The following CNR2 variants were observed in gnomAD, a reference collection of about 807,000 sequenced individuals.
CNR2 encodes the protein cannabinoid receptor 2 (macrophage).
For synonymous variants in CNR2, 172 were observed against 182.2 expected (o/e 0.94, Z 0.45); for missense variants, 379 against 439.9 (o/e 0.86, Z 1.24).
At position 23,874,854 on chromosome 1, in the gene CNR2, A is replaced by G; in HGVS notation, c.764T>C (p.Leu255Pro). 6.2e-7 allele frequency: 1 copy of G among 1,614,074 alleles called. No homozygotes were observed. The highest frequency in any genetic ancestry group is 8.5e-7 in the Non-Finnish European group (1 of 1,179,940). Residue 255 changes from leucine (L) to proline (P), a missense_variant, in exon 2 of 2, where the codon CTC becomes CCC. Transcript: ENST00000374472. ...GGCCAGCACTGGGAACCAACAGATG[A>G]GGAGCACAGCCAACACTAGCCCTAG... ...KTLGLVLAVL[L>P]ICWFPVLALM...
At chr1:23,912,275 G>A (rs1640599674) in intron 1 of CNR2, among the ~76,000 whole-genome samples, 2 of 152,160 alleles carry the variant, frequency 1.3e-5, no homozygotes, top group Non-Finnish European at 2.9e-5. Context: ...TCCGCTGAGT[G>A]GAACTTACAC....
rs1639778405 is a variant in CNR2, at chr1:23,872,328, T to G, written c.*2207A>C. 1 of 151,860 alleles carries G rather than the reference T, an allele frequency of 6.6e-6. No individual in the cohort carries two copies. Among genetic ancestry groups the G allele is most frequent in the Non-Finnish European group, 1.5e-5 (1 of 67,984 alleles). 9.4% of individuals were successfully genotyped at this position (151,860 alleles called of 1,614,324 possible). On this transcript the variant is annotated 3_prime_UTR_variant, in exon 2 of 2. Coordinates refer to ENST00000374472, the MANE Select transcript of CNR2 (RefSeq NM_001841.3). ...GCCCTACCACATCTTGATTTTGACT[T>G]CTGGCCTCCAGAATTATGAGACAGT...
intron 1 of CNR2, among the ~76,000 whole-genome samples, chr1:23,897,163 C>CCACGCCCGCCCTGAAGTAACATAT (rs1557531184): frequency 1.3e-5 from 2 of 152,124 alleles, no homozygotes; most frequent in East Asian, 1.9e-4. Context: ...GTGTGAGCCA[C>CCACGCCCGCCCTGAAGTAACATAT]TGCACCCTGC....
chr1:23,874,539 C>A lies in CNR2; in HGVS notation c.1079G>T (p.Cys360Phe), dbSNP rs1000489968. Residue 360 changes from cysteine (C) to phenylalanine (F), a missense_variant, in exon 2 of 2, where the codon TGC becomes TTC. Transcript: ENST00000374472. Reference protein sequence around the residue: ...PDSRDLDLSDC With the variant: ...PDSRDLDLSDF Reference sequence around the variant, plus strand: ...TTAAATTGGGAAGAGGCCTCATCAGCAATCAGAGAGGTCTAGATCTCTGGA... The same window carrying A: ...TTAAATTGGGAAGAGGCCTCATCAGAAATCAGAGAGGTCTAGATCTCTGGA... 1 of 1,610,346 alleles carries A rather than the reference C, an allele frequency of 6.2e-7. No homozygotes were observed. Among genetic ancestry groups the A allele is most frequent in the Admixed American group, 1.7e-5 (1 of 59,394 alleles).
At chr1:23,890,792 GCCCA>G (rs1640177497) in intron 1 of CNR2, among the ~76,000 whole-genome samples, 1 of 150,020 alleles carries the variant, frequency 6.7e-6, no homozygotes, top group African/African-American at 2.4e-5. Context: ...TTGACCTGCT[GCCCA>G]GCTGGCTGGG....
At chr1:23,889,687 C>A (rs538046689) in intron 1 of CNR2, among the ~76,000 whole-genome samples, 1 of 152,164 alleles carries the variant, frequency 6.6e-6, no homozygotes, top group Admixed American at 6.5e-5. Flanking sequence ...CCCAAGGTCT[C>A]CTCGAGGAAA....
At chr1:23,898,799 T>C (rs144607376) in intron 1 of CNR2, among the ~76,000 whole-genome samples, 6,468 of 150,946 alleles carry the variant, frequency 0.043, 447 homozygotes, top group African/African-American at 0.15. Context: ...ATTACAGATG[T>C]GCACCACCAT....
At chr1:23,882,322 A>G (rs947867704) in intron 1 of CNR2, among the ~76,000 whole-genome samples, 5 of 152,168 alleles carry the variant, frequency 3.3e-5, no homozygotes, top group African/African-American at 7.2e-5. Context: ...CCTCAAACCT[A>G]TGATGACATT....
At chr1:23,891,209 T>C (rs1467657124) in intron 1 of CNR2, among the ~76,000 whole-genome samples, 1 of 152,052 alleles carries the variant, frequency 6.6e-6, no homozygotes, top group Non-Finnish European at 1.5e-5. Context: ...TAGCCCTTGA[T>C]TGCAGTTGTA....
intron 1 of CNR2, chr1:23,902,382 G>C (rs1640415605): frequency 1.3e-5 from 21 of 1,585,624 alleles, no homozygotes; most frequent in Non-Finnish European, 1.5e-5. Context: ...GGCGTTCTTG[G>C]CTTTCAGACT....
chr1:23,889,717 A>G (rs1640153638), intron 1 of CNR2, among the ~76,000 whole-genome samples: 1 of 152,156 alleles, frequency 6.6e-6, no homozygotes, highest in Non-Finnish European at 1.5e-5. Context: ...TTGGATCACA[A>G]TGTCACAGGT....
At chr1:23,902,973 C>T (rs1289708272) in intron 1 of CNR2, among the ~76,000 whole-genome samples, 1 of 151,576 alleles carries the variant, frequency 6.6e-6, no homozygotes, top group African/African-American at 2.4e-5. Context: ...CGCCCCGCGC[C>T]CTCGCGCCGC....
chr1:23,877,595 T>G (rs1639908619), intron 1 of CNR2, among the ~76,000 whole-genome samples: 1 of 149,536 alleles, frequency 6.7e-6, no homozygotes, highest in Admixed American at 6.7e-5. Flanking sequence ...AGAGCCGAGA[T>G]GGCGCCACTG....
At chr1:23,908,938 G>T (rs546137823) in intron 1 of CNR2, among the ~76,000 whole-genome samples, 2 of 152,238 alleles carry the variant, frequency 1.3e-5, no homozygotes, top group African/African-American at 4.8e-5. Flanking sequence ...GGGGTGGTGG[G>T]GGTGAGGGAG....
At chr1:23,875,782 A>G (rs1639865017) in intron 1 of CNR2, 120 bp from the exon 2 acceptor site, 2 of 836,546 alleles carry the variant, frequency 2.4e-6, no homozygotes, top group South Asian at 2.2e-5. Context: ...TGGGAAAATC[A>G]GTTTCTGTTT....
chr1:23,889,162 A>T (rs6696395), intron 1 of CNR2, among the ~76,000 whole-genome samples: 1 of 152,042 alleles, frequency 6.6e-6, no homozygotes, highest in South Asian at 2.1e-4. Flanking sequence ...GGGAAGGGAA[A>T]CTTGGGACCT....
At chr1:23,899,824 GAAAAGAAAAAAAAGAA>G (rs1640356299) in intron 1 of CNR2, among the ~76,000 whole-genome samples, 5 of 1,636 alleles carry the variant, frequency 3.1e-3, no homozygotes, top group East Asian at 0.031. Flanking sequence ...AAGAAAGAAA[GAAAAGAAAAAAAAGAA>G]AGAAAAGAAA....
intron 1 of CNR2, among the ~76,000 whole-genome samples, chr1:23,908,814 G>A (rs1392160804): frequency 1.3e-5 from 2 of 152,170 alleles, no homozygotes; most frequent in African/African-American, 2.4e-5. Context: ...CACAGAGGAC[G>A]AACTCAATGA....
At chr1:23,877,780 A>G (rs1231908086) in intron 1 of CNR2, among the ~76,000 whole-genome samples, 3 of 151,908 alleles carry the variant, frequency 2.0e-5, no homozygotes, top group Non-Finnish European at 4.4e-5. Context: ...GGCTAACATG[A>G]TGAAACCCTG....
Sources: gnomAD v4.1 joint callset for allele counts (sites outside exome capture counted in the v4.1 genomes callset) on GRCh38, gnomAD v4.1.1 for gene constraint, MANE v1.5 for transcripts, NCBI Gene and HGNC (gene_info 2026-07-23, HGNC 2026-07-21) for gene names.